The following COL4A3 variants were observed in gnomAD, a reference collection of about 807,000 sequenced individuals.
COL4A3 encodes collagen alpha-3(IV) chain.
COL4A3 carries 135 observed loss-of-function variants against 217.4 expected under a neutral mutation model. The ratio of observed to expected loss-of-function variants is 0.62; its 90% confidence interval spans 0.54 to 0.72. COL4A3 has a LOEUF of 0.72. Ranked by LOEUF, COL4A3 falls within the 30% of genes least tolerant of loss-of-function variation. The pLI is 0.00. For synonymous variants in COL4A3, 690 were observed against 736.3 expected, an observed-to-expected ratio of 0.94 and a Z score of 1.02; for missense variants, 1,868 against 2,119.9, an observed-to-expected ratio of 0.88 and a Z score of 2.33.
intron 1 of COL4A3, among the ~76,000 whole-genome samples, chr2:227,207,821 G>T (rs902210899): frequency 3.9e-5 from 6 of 152,206 alleles, no homozygotes; most frequent in Admixed American, 3.3e-4. Context: ...TTCTGCTCTG[G>T]AGCTTCTAAG....
chr2:227,288,126 C>T (rs902066585), intron 34 of COL4A3, among the ~76,000 whole-genome samples: 5 of 152,202 alleles, frequency 3.3e-5, no homozygotes, highest in Non-Finnish European at 2.9e-5. Flanking sequence ...GACGGAGTCT[C>T]GCTCTGTCAC....
chr2:227,302,255 C>T (rs2073316786), intron 43 of COL4A3, among the ~76,000 whole-genome samples: 1 of 152,306 alleles, frequency 6.6e-6, no homozygotes, highest in African/African-American at 2.4e-5. Context: ...CATCCCTAGA[C>T]ATTACTTCTC....
chr2:227,266,481 A>G lies in COL4A3; in HGVS notation c.1380A>G (p.Pro460=). The change falls in exon 22 of 52, where the codon CCA becomes CCG. Residue 460 remains proline (P), a synonymous_variant. Coordinates refer to ENST00000396578, the MANE Select transcript of COL4A3 (RefSeq NM_000091.5). The stretch of plus-strand genomic sequence containing the variant: ...GACTGCCAGGCTATCTAGGGTCTCC[A>G]GGAATCCCAGGAGTTGATGGGCCCA... ...DHGLPGYLGS[P]GIPGVDGPKG... is the part of the protein sequence containing the mutation. The G allele has an allele frequency of 1.9e-6, 3 of 1,613,988 alleles. No homozygotes were observed. Among genetic ancestry groups the G allele is most frequent in the Non-Finnish European group, 2.5e-6 (3 of 1,179,894 alleles).
intron 1 of COL4A3, among the ~76,000 whole-genome samples, chr2:227,218,000 T>G (rs2067590262): frequency 7.4e-6 from 1 of 135,946 alleles, no homozygotes; most frequent in South Asian, 2.4e-4. Flanking sequence ...AAATACACAT[T>G]CAAACTCCAT....
chr2:227,275,942 G>A (rs1399652222), intron 26 of COL4A3, among the ~76,000 whole-genome samples: 7 of 149,558 alleles, frequency 4.7e-5, no homozygotes, highest in South Asian at 2.1e-4. Flanking sequence ...TTCCCTTTTA[G>A]AAAAAAAAAA....
At chr2:227,283,634 T>A in intron 32 of COL4A3, 133 bp from the exon 33 acceptor site, 5 of 739,180 alleles carry the variant, frequency 6.8e-6, no homozygotes, top group Non-Finnish European at 1.2e-5. Flanking sequence ...ATACAGTAAT[T>A]GTACTATGTA....
chr2:227,257,550 T>C (rs1338455629), intron 17 of COL4A3, 53 bp from the exon 18 acceptor site: 4 of 1,468,498 alleles, frequency 2.7e-6, no homozygotes, highest in African/African-American at 2.8e-5. Flanking sequence ...GCTTTTTATA[T>C]GTAAATACTT....
intron 1 of COL4A3, among the ~76,000 whole-genome samples, chr2:227,177,795 T>C (rs1458843247): frequency 6.6e-6 from 1 of 152,176 alleles, no homozygotes; most frequent in Non-Finnish European, 1.5e-5. Flanking sequence ...ACACTGTCTA[T>C]GCTCCCTGCC....
At chr2:227,179,813 A>G (rs1305707127) in intron 1 of COL4A3, among the ~76,000 whole-genome samples, 1 of 152,228 alleles carries the variant, frequency 6.6e-6, no homozygotes, top group Non-Finnish European at 1.5e-5. Context: ...GTGTGCAGAG[A>G]ATAATAGTAA....
At chr2:227,166,088 G>C (rs1553726911) in intron 1 of COL4A3, among the ~76,000 whole-genome samples, 1 of 152,116 alleles carries the variant, frequency 6.6e-6, no homozygotes, top group Non-Finnish European at 1.5e-5. Context: ...AGATCCTCCT[G>C]TTTTTCTTTT....
chr2:227,176,560 T>A (rs1430870656), intron 1 of COL4A3, among the ~76,000 whole-genome samples: 1 of 152,240 alleles, frequency 6.6e-6, no homozygotes, highest in African/African-American at 2.4e-5. Context: ...TTAAGATCCA[T>A]GTTTGTTAAT....
chr2:227,192,148 T>C (rs1264952129), intron 1 of COL4A3, among the ~76,000 whole-genome samples: 1 of 152,246 alleles, frequency 6.6e-6, no homozygotes, highest in Non-Finnish European at 1.5e-5. Context: ...TACCATCCAG[T>C]TGCAAAACGT....
chr2:227,234,385 G>A (rs909266850), intron 1 of COL4A3, among the ~76,000 whole-genome samples: 2 of 152,200 alleles, frequency 1.3e-5, no homozygotes, highest in African/African-American at 4.8e-5. Flanking sequence ...ATTTTAACGT[G>A]TGTTAAAATA....
At position 227,308,930 on chromosome 2, in the gene COL4A3, C is replaced by G. The variant is rs200454769; in HGVS notation, c.4494C>G (p.Thr1498=). The G allele has an allele frequency of 8.3e-4, 1,346 of 1,614,006 alleles. 2 individuals carry two copies. Among genetic ancestry groups the G allele is most frequent in the Non-Finnish European group, 1.0e-3 (1,206 of 1,180,040 alleles). ...GTLGSCLQRF[T]TMPFLFCNVN... ...TTGGCAGCTGCCTGCAGCGATTTAC[C>G]ACAATGCCATTCTTATTCTGCAATG... The change falls in exon 49 of 52, where the codon ACC becomes ACG. Residue 1498 remains threonine, a synonymous_variant. Transcript: ENST00000396578.
chr2:227,293,866 T>G, intron 38 of COL4A3: 2 of 450,228 alleles, frequency 4.4e-6, no homozygotes, highest in Admixed American at 5.3e-5. Flanking sequence ...TCTTCTTTTC[T>G]TATAAAGACA....
chr2:227,207,828 T>C (rs1266672904), intron 1 of COL4A3, among the ~76,000 whole-genome samples: 1 of 152,206 alleles, frequency 6.6e-6, no homozygotes, highest in Non-Finnish European at 1.5e-5. Flanking sequence ...CTGGAGCTTC[T>C]AAGCCCATAG....
At chr2:227,192,914 G>T (rs1456774557) in intron 1 of COL4A3, among the ~76,000 whole-genome samples, 4 of 152,078 alleles carry the variant, frequency 2.6e-5, no homozygotes, top group Non-Finnish European at 4.4e-5. Context: ...AAAATTAAAA[G>T]AAAATGAAAT....
intron 1 of COL4A3, among the ~76,000 whole-genome samples, chr2:227,202,649 G>A (rs1341266996): frequency 6.7e-6 from 1 of 150,264 alleles, no homozygotes; most frequent in Admixed American, 6.7e-5. Context: ...GCAGGAGAAT[G>A]GTGTGAACCC....
intron 26 of COL4A3, among the ~76,000 whole-genome samples, chr2:227,275,766 T>C (rs2071518962): frequency 6.6e-6 from 1 of 152,186 alleles, no homozygotes; most frequent in African/African-American, 2.4e-5. Flanking sequence ...AATGTCAGCC[T>C]TGCCCATATC....
Sources: gnomAD v4.1 joint callset for allele counts (sites outside exome capture counted in the v4.1 genomes callset) on GRCh38, gnomAD v4.1.1 for gene constraint, MANE v1.5 for transcripts, NCBI Gene and HGNC (gene_info 2026-07-23, HGNC 2026-07-21) for gene names.